Variants in TM9SF3 observed in about 807,000 individuals in gnomAD.
TM9SF3 encodes the protein transmembrane 9 superfamily member 3, also known as SM-11044-binding protein.
A neutral mutation model predicts 78.6 loss-of-function variants in TM9SF3; 14 were observed. The ratio of observed to expected loss-of-function variants is 0.18; its 90% confidence interval spans 0.12 to 0.28. TM9SF3 has a LOEUF of 0.28. Among genes scored for constraint, TM9SF3 ranks in the 10% least tolerant of loss-of-function variants. The pLI, the probability that TM9SF3 is intolerant of heterozygous loss-of-function variation, is 1.00. For synonymous variants in TM9SF3, 231 were observed against 241.7 expected (o/e 0.96, Z 0.41); for missense variants, 496 against 721.9 (o/e 0.69, Z 3.59).
intron 5 of TM9SF3, among the ~76,000 whole-genome samples, chr10:96,555,026 CTT>C (rs375133107): frequency 1.4e-5 from 2 of 142,896 alleles, no homozygotes. Flanking sequence ...CCTGGTTGGC[CTT>C]TTTTTTTTTT....
rs2134166773 is a variant in TM9SF3, at chr10:96,587,004, C to G, written c.-169G>C. The G allele has an allele frequency of 5.4e-6, 2 of 367,494 alleles. No homozygotes were observed. The highest frequency in any genetic ancestry group is 1.1e-4 in the Admixed American group (2 of 18,244). The allele number at this position is 367,494 out of a possible 1,614,324, so 22.8% of individuals were successfully genotyped here. ...TCTGCCGCCGCCGTCGCCGTCACCG[C>G]CCGCTCCTGAGCCTCCCCCGCCCCC... On this transcript the variant is annotated 5_prime_UTR_variant, in exon 1 of 15. Coordinates refer to ENST00000371142, the MANE Select transcript of TM9SF3 (RefSeq NM_020123.4).
intron 7 of TM9SF3, among the ~76,000 whole-genome samples, chr10:96,549,711 T>C (rs1354930493): frequency 2.0e-5 from 3 of 151,336 alleles, no homozygotes; most frequent in East Asian, 1.9e-4. Flanking sequence ...ACAGTAATTA[T>C]AGGCTAAAAT....
intron 7 of TM9SF3, among the ~76,000 whole-genome samples, 162 bp from the exon 8 acceptor site, chr10:96,548,151 G>T (rs552849561): frequency 6.6e-6 from 1 of 152,166 alleles, no homozygotes. Flanking sequence ...TCTCTATAGT[G>T]AATGAATTTG....
intron 5 of TM9SF3, among the ~76,000 whole-genome samples, chr10:96,555,845 G>T (rs1848228348): frequency 6.6e-6 from 1 of 152,116 alleles, no homozygotes; most frequent in Non-Finnish European, 1.5e-5. Flanking sequence ...TTCCCACCCT[G>T]AGATGTTAAC....
chr10:96,581,551 T>C (rs987963756), intron 1 of TM9SF3, among the ~76,000 whole-genome samples: 1 of 152,218 alleles, frequency 6.6e-6, no homozygotes, highest in African/African-American at 2.4e-5. Flanking sequence ...CTCTCAAAAA[T>C]AGCTTTGTAC....
intron 3 of TM9SF3, 78 bp downstream of exon 3, chr10:96,565,226 A>C: frequency 1.5e-6 from 2 of 1,299,144 alleles, no homozygotes; most frequent in East Asian, 5.6e-5. Flanking sequence ...CCAGTACACA[A>C]TCACCTTAAC....
chr10:96,538,479 G>T (rs1227460238), intron 9 of TM9SF3, among the ~76,000 whole-genome samples: 2 of 152,022 alleles, frequency 1.3e-5, no homozygotes, highest in African/African-American at 4.8e-5. Context: ...TTTGGCAAAA[G>T]ACTTCTTAAA....
intron 4 of TM9SF3, chr10:96,561,025 T>C: frequency 2.8e-6 from 1 of 355,518 alleles, no homozygotes; most frequent in South Asian, 2.5e-5. Context: ...CAATCCAGAC[T>C]GAAGTCTTCT....
In TM9SF3 at chr10:96,553,045, T is replaced by C. The variant is rs1848192716; in HGVS notation, c.675A>G (p.Ser225=). The C allele has an allele frequency of 1.9e-6, 3 of 1,587,530 alleles. No homozygotes were observed. The highest frequency in any genetic ancestry group is 4.6e-5 in the East Asian group (2 of 43,904). Residue 225 remains serine, a synonymous_variant, in exon 6 of 15, where the codon TCA becomes TCG. Coordinates refer to ENST00000371142, the MANE Select transcript of TM9SF3 (RefSeq NM_020123.4). ...SFFQHRIHWF[S]IFNSFMMVIF... Reference sequence around the variant, plus strand: ...TCACCATCATGAAGGAGTTGAAAATTGAAAACCAATGAATCTAAAATAACA... The same window carrying C: ...TCACCATCATGAAGGAGTTGAAAATCGAAAACCAATGAATCTAAAATAACA...
chr10:96,547,999 CAAAA>C lies in TM9SF3; in HGVS notation c.960-14_960-11del. 10 of 1,521,890 alleles carry C rather than the reference CAAAA, an allele frequency of 6.6e-6. No homozygotes were observed. Among genetic ancestry groups the C allele is most frequent in the Non-Finnish European group, 8.8e-6 (10 of 1,136,628 alleles). 94.3% of individuals were successfully genotyped at this position (1,521,890 alleles called of 1,614,324 possible). ...GAGCATTGATCCCCTCCTAAAAAGGCAAAAAAGAAAAAAAAAATTAAAACCAACA... is the reference window on the plus strand; with the variant it reads ...GAGCATTGATCCCCTCCTAAAAAGGCAAGAAAAAAAAAATTAAAACCAACA... On this transcript the variant is annotated splice_polypyrimidine_tract_variant and intron_variant, in intron 7 of 14. Transcript: ENST00000371142.
intron 5 of TM9SF3, among the ~76,000 whole-genome samples, chr10:96,553,262 A>T (rs1848195247): frequency 6.6e-6 from 1 of 152,234 alleles, no homozygotes; most frequent in African/African-American, 2.4e-5. Context: ...ATAAGCACCC[A>T]TATGTTGAAA....
intron 9 of TM9SF3, among the ~76,000 whole-genome samples, chr10:96,533,965 C>G (rs1847925328): frequency 6.6e-6 from 1 of 152,114 alleles, no homozygotes; most frequent in Non-Finnish European, 1.5e-5. Context: ...TCACTCTGAA[C>G]TTCTGTAAAA....
intron 5 of TM9SF3, among the ~76,000 whole-genome samples, chr10:96,554,724 T>C (rs764063182): frequency 6.6e-6 from 1 of 152,172 alleles, no homozygotes; most frequent in Non-Finnish European, 1.5e-5. Flanking sequence ...TTTCAGGCTT[T>C]TGCTAACTAC....
At chr10:96,536,746 C>T (rs558045387) in intron 9 of TM9SF3, among the ~76,000 whole-genome samples, 4 of 152,258 alleles carry the variant, frequency 2.6e-5, no homozygotes. Flanking sequence ...TTATGATCCA[C>T]GTCTACTTAA....
intron 12 of TM9SF3, 93 bp downstream of exon 12, chr10:96,527,938 T>C (rs1315800416): frequency 1.0e-5 from 13 of 1,283,108 alleles, no homozygotes; most frequent in Admixed American, 2.4e-5. Flanking sequence ...AACATTTCTA[T>C]ACAGCTCTTT....
At chr10:96,538,856 C>G (rs746599618) in intron 9 of TM9SF3, among the ~76,000 whole-genome samples, 7 of 152,190 alleles carry the variant, frequency 4.6e-5, no homozygotes, top group African/African-American at 1.7e-4. Flanking sequence ...ATTAAAAAGA[C>G]TTACTATATC....
intron 8 of TM9SF3, among the ~76,000 whole-genome samples, chr10:96,547,531 C>G (rs1848116128): frequency 6.6e-6 from 1 of 152,204 alleles, no homozygotes; most frequent in Admixed American, 6.5e-5. Context: ...AAGAATTTTA[C>G]AATGGCTGTT....
intron 2 of TM9SF3, among the ~76,000 whole-genome samples, chr10:96,572,057 A>G (rs778955509): frequency 6.6e-6 from 1 of 152,230 alleles, no homozygotes; most frequent in Non-Finnish European, 1.5e-5. Flanking sequence ...GAGTGCTACT[A>G]TAACAGGCTA....
At position 96,520,729 on chromosome 10, in the gene TM9SF3, T is replaced by C; in HGVS notation, c.*1534A>G. 1 of 392,738 alleles carries C rather than the reference T, an allele frequency of 2.5e-6. No individual in the cohort carries two copies. Among genetic ancestry groups the C allele is most frequent in the Non-Finnish European group, 4.5e-6 (1 of 222,002 alleles). 24.3% of individuals were successfully genotyped at this position (392,738 alleles called of 1,614,324 possible). A position where few individuals can be genotyped will look rare whatever the true frequency, so the allele number is the denominator to read the frequency against. On this transcript the variant is annotated 3_prime_UTR_variant, in exon 15 of 15. Coordinates refer to ENST00000371142, the MANE Select transcript of TM9SF3 (RefSeq NM_020123.4). ...GATCCAACAGTACGTTAACCACTTT[T>C]ACCCCATCCCCACTTTACACGGTAC... is the stretch of plus-strand genomic sequence containing the variant.
Sources: allele counts gnomAD v4.1 joint callset (sites outside exome capture counted in the v4.1 genomes callset), GRCh38; gene constraint gnomAD v4.1.1; transcripts MANE v1.5; gene names NCBI Gene and HGNC (gene_info 2026-07-23, HGNC 2026-07-21).